The following CNTN4 variants were observed in gnomAD, a reference collection of about 807,000 sequenced individuals.
The protein encoded by CNTN4 is contactin 4, also known as contactin-4.
A neutral mutation model predicts 122.5 loss-of-function variants in CNTN4; 77 were observed. The ratio of observed to expected loss-of-function variants is 0.63; its 90% CI spans 0.52 to 0.76. CNTN4 has a LOEUF of 0.76. Among genes scored for constraint, CNTN4 ranks in the 30% least tolerant of loss-of-function variants. The probability of loss-of-function intolerance (pLI) is 0.00; values close to 1 mark genes in which losing one functional copy is unlikely to be tolerated. For synonymous variants in CNTN4, 512 were observed against 447.0 expected (o/e 1.15, Z -1.83); for missense variants, 1,256 against 1,259.1 (o/e 1.00, Z 0.04).
intron 13 of CNTN4, among the ~76,000 whole-genome samples, chr3:2,958,591 A>G (rs188136412): frequency 2.0e-5 from 3 of 152,332 alleles, no homozygotes; most frequent in Non-Finnish European, 4.4e-5. Flanking sequence ...TTCTACCCCA[A>G]GTAGCTTACA....
intron 2 of CNTN4, among the ~76,000 whole-genome samples, chr3:2,118,852 C>G (rs749999970): frequency 1.3e-5 from 2 of 152,176 alleles, no homozygotes; most frequent in African/African-American, 2.4e-5. Context: ...GCCTTTGCAT[C>G]TTGTTATGAC....
chr3:2,716,299 T>C (rs1403353797), intron 4 of CNTN4, among the ~76,000 whole-genome samples: 1 of 151,606 alleles, frequency 6.6e-6, no homozygotes, highest in Non-Finnish European at 1.5e-5. Flanking sequence ...CACAGCATTA[T>C]CATATATCAT....
At chr3:3,048,514 C>G (rs62230264) in intron 23 of CNTN4, among the ~76,000 whole-genome samples, 216 of 134,362 alleles carry the variant, frequency 1.6e-3, no homozygotes, top group Middle Eastern at 7.4e-3. Flanking sequence ...CTCTCTCTCT[C>G]TCTGTGTGTG....
intron 4 of CNTN4, among the ~76,000 whole-genome samples, chr3:2,715,004 C>G (rs750671852): frequency 2.6e-5 from 4 of 152,198 alleles, no homozygotes; most frequent in Non-Finnish European, 5.9e-5. Context: ...TCTTTATCAA[C>G]TCCAATTAGA....
At chr3:2,460,231 G>A (rs962606166) in intron 3 of CNTN4, among the ~76,000 whole-genome samples, 10 of 152,084 alleles carry the variant, frequency 6.6e-5, no homozygotes, top group Admixed American at 5.2e-4. Flanking sequence ...GGTATCCCTA[G>A]CTCAACCCTA....
intron 13 of CNTN4, among the ~76,000 whole-genome samples, chr3:2,931,731 C>T (rs1193397153): frequency 9.9e-5 from 15 of 152,116 alleles, no homozygotes; most frequent in African/African-American, 2.4e-4. Context: ...TGGGCAAAAG[C>T]GATCCTCCCA....
chr3:2,758,894 T>C (rs1005013447), intron 6 of CNTN4, among the ~76,000 whole-genome samples: 2 of 152,140 alleles, frequency 1.3e-5, no homozygotes, highest in African/African-American at 4.8e-5. Flanking sequence ...TCAGTGATGT[T>C]TAGTTTATTC....
intron 3 of CNTN4, among the ~76,000 whole-genome samples, chr3:2,475,162 A>T (rs951621936): frequency 1.3e-5 from 2 of 152,210 alleles, no homozygotes; most frequent in Non-Finnish European, 2.9e-5. Flanking sequence ...GACAGGTACG[A>T]AATGGACAAA....
intron 2 of CNTN4, among the ~76,000 whole-genome samples, chr3:2,223,259 T>G (rs75034912): frequency 6.6e-6 from 1 of 152,170 alleles, no homozygotes; most frequent in African/African-American, 2.4e-5. Context: ...AGTTGCCCTG[T>G]GGGTGTCCGT....
intron 3 of CNTN4, among the ~76,000 whole-genome samples, chr3:2,381,012 C>CT (rs1313667489): frequency 6.3e-4 from 92 of 145,280 alleles, no homozygotes; most frequent in South Asian, 5.3e-3. Flanking sequence ...TTTTTTCTTC[C>CT]TTTTTTTTTT....
chr3:2,948,406 G>T (rs769453701), intron 13 of CNTN4, among the ~76,000 whole-genome samples: 2 of 152,172 alleles, frequency 1.3e-5, no homozygotes, highest in Non-Finnish European at 2.9e-5. Context: ...TACTCATTTT[G>T]ATGAACTTGG....
chr3:2,558,381 C>T (rs2078810537), intron 3 of CNTN4, among the ~76,000 whole-genome samples: 2 of 152,170 alleles, frequency 1.3e-5, no homozygotes, highest in Admixed American at 1.3e-4. Flanking sequence ...TGTGCCAGTT[C>T]CTGAGCCTTC....
chr3:2,952,754 A>C (rs2094758940), intron 13 of CNTN4, among the ~76,000 whole-genome samples: 1 of 152,196 alleles, frequency 6.6e-6, no homozygotes, highest in Non-Finnish European at 1.5e-5. Flanking sequence ...ACTGCTGTTT[A>C]ATCTACTACA....
At chr3:2,446,353 A>ACTGG (rs34636863) in intron 3 of CNTN4, among the ~76,000 whole-genome samples, 102,927 of 151,498 alleles carry the variant, frequency 0.68, 35,570 homozygotes, top group East Asian at 0.81. Flanking sequence ...GCCATGCCAC[A>ACTGG]TGCAAAGATA....
At chr3:2,983,963 C>A (rs1401666293) in intron 13 of CNTN4, among the ~76,000 whole-genome samples, 2 of 152,148 alleles carry the variant, frequency 1.3e-5, no homozygotes, top group African/African-American at 4.8e-5. Context: ...ATCTGGAATT[C>A]TAACAGTTAG....
Position 2,951,021 on chromosome 3 carries a change from G to A in CNTN4, c.1358+25242G>A, listed in dbSNP as rs151190632. Among the ~76,000 whole-genome samples, 59 of 152,240 alleles carry A rather than the reference G, an allele frequency of 3.9e-4. 2 individuals are homozygous for A. In the East Asian group the frequency reaches 8.9e-3, roughly 23 times the overall value. Reference sequence around the variant, plus strand: ...CTTTGGGCAGGTTACTTAATCTCTCGAAACCTAATTCCCCATCTGTTCAAT... The same window carrying A: ...CTTTGGGCAGGTTACTTAATCTCTCAAAACCTAATTCCCCATCTGTTCAAT... On this transcript the variant is annotated intron_variant, in intron 13 of 24. Transcript: ENST00000418658.
intron 4 of CNTN4, among the ~76,000 whole-genome samples, chr3:2,697,074 C>T (rs2149233074): frequency 6.6e-6 from 1 of 152,286 alleles, no homozygotes; most frequent in South Asian, 2.1e-4. Context: ...GTTCATGCAT[C>T]CAGACTTGTG....
intron 2 of CNTN4, among the ~76,000 whole-genome samples, chr3:2,122,073 G>T (rs1050653382): frequency 3.3e-5 from 5 of 151,634 alleles, no homozygotes; most frequent in East Asian, 1.9e-4. Flanking sequence ...GAGAATGGCG[G>T]GAACCCGGGA....
intron 13 of CNTN4, among the ~76,000 whole-genome samples, chr3:2,958,630 A>G (rs1007018849): frequency 6.6e-6 from 1 of 152,204 alleles, no homozygotes; most frequent in East Asian, 1.9e-4. Context: ...ACAATACAGA[A>G]AGCAAGAATC....
Sources: gnomAD v4.1 joint callset for allele counts (sites outside exome capture counted in the v4.1 genomes callset) on GRCh38, gnomAD v4.1.1 for gene constraint, MANE v1.5 for transcripts, NCBI Gene and HGNC (gene_info 2026-07-23, HGNC 2026-07-21) for gene names.